Variants in C10orf71 observed in about 807,000 individuals in gnomAD.
C10orf71 encodes cardiac-enriched FHL2-interacting protein.
For synonymous variants in C10orf71, 758 were observed against 726.3 expected (o/e 1.04, Z -0.70); for missense variants, 1,869 against 1,804.5 (o/e 1.04, Z -0.65).
chr10:49,316,744 G>A (rs779603281), intron 2 of C10orf71, among the ~76,000 whole-genome samples: 4 of 152,270 alleles, frequency 2.6e-5, no homozygotes, highest in Middle Eastern at 3.4e-3. Context: ...GCACACTTCC[G>A]TCCTTGTGTA....
rs779176091 is a variant in C10orf71, at chr10:49,325,112, C to T, written c.2567C>T (p.Thr856Met). Residue 856 changes from threonine to methionine, a missense_variant, in exon 3 of 3, where the codon ACG (threonine) becomes ATG (methionine). Physicochemically the swap from Thr to Met is moderately conservative, Grantham distance 81 (BLOSUM62 -1). Coordinates refer to ENST00000374144, the MANE Select transcript of C10orf71 (RefSeq NM_001135196.2). ...SSASNRHMLF[T>M]IKDNTLRATP... The stretch of plus-strand genomic sequence containing the variant: ...GCTTCAAACAGGCACATGCTGTTTA[C>T]GATTAAAGACAACACCCTCAGAGCT... The T allele has an allele frequency of 6.8e-5, 106 of 1,551,912 alleles. No homozygotes were observed. In the African/African-American group the frequency reaches 1.0e-3, roughly 15 times the overall value.
At chr10:49,304,068 C>T (rs1848772281) in intron 1 of C10orf71, among the ~76,000 whole-genome samples, 1 of 152,222 alleles carries the variant, frequency 6.6e-6, no homozygotes, top group Non-Finnish European at 1.5e-5. Flanking sequence ...GCTTCCAGGC[C>T]AGGGAAGATG....
chr10:49,301,395 C>A (rs61848573), intron 1 of C10orf71, among the ~76,000 whole-genome samples: 2 of 152,132 alleles, frequency 1.3e-5, no homozygotes, highest in Non-Finnish European at 2.9e-5. Context: ...AAATCTCAGA[C>A]ACCCCCTCAT....
chr10:49,301,851 T>C (rs781078788), intron 1 of C10orf71, among the ~76,000 whole-genome samples: 2 of 152,226 alleles, frequency 1.3e-5, no homozygotes, highest in Non-Finnish European at 2.9e-5. Flanking sequence ...AGGGACGTTC[T>C]TCTGGGCCAT....
intron 1 of C10orf71, among the ~76,000 whole-genome samples, chr10:49,314,406 CA>C (rs1554858860): frequency 6.6e-6 from 1 of 152,248 alleles, no homozygotes; most frequent in Non-Finnish European, 1.5e-5. Flanking sequence ...GAAGGGAACA[CA>C]CCTTTTCACT....
At chr10:49,317,756 T>G (rs1849023818) in intron 2 of C10orf71, among the ~76,000 whole-genome samples, 1 of 152,118 alleles carries the variant, frequency 6.6e-6, no homozygotes, top group South Asian at 2.1e-4. Context: ...TAGGCCAAGG[T>G]GGGAAGATCA....
intron 1 of C10orf71, among the ~76,000 whole-genome samples, chr10:49,306,427 C>T (rs1213174397): frequency 2.0e-5 from 3 of 152,352 alleles, no homozygotes; most frequent in East Asian, 3.9e-4. Flanking sequence ...CTCCGCTCTT[C>T]GCACTGCTGG....
chr10:49,305,904 T>C (rs896581973), intron 1 of C10orf71, among the ~76,000 whole-genome samples: 1 of 152,250 alleles, frequency 6.6e-6, no homozygotes, highest in Non-Finnish European at 1.5e-5. Context: ...AGAGGTTTTT[T>C]AAATGAACGA....
At position 49,323,517 on chromosome 10, in the gene C10orf71, C is replaced by T. The variant is rs1214959221; in HGVS notation, c.972C>T (p.Pro324=). The T allele has an allele frequency of 1.2e-6, 2 of 1,611,898 alleles. No individual in the cohort carries two copies. Among genetic ancestry groups the T allele is most frequent in the Middle Eastern group, 1.7e-4 (1 of 6,052 alleles). Residue 324 remains proline, a synonymous_variant, in exon 3 of 3, where the codon CCC becomes CCT. Coordinates refer to ENST00000374144, the MANE Select transcript of C10orf71 (RefSeq NM_001135196.2). Reference sequence around the variant, plus strand: ...GTCCTCCTGAGCGCACAGTCTCTCCCTGCCAGGTCCAGGCCAGCTGCAGTC... The same window carrying T: ...GTCCTCCTGAGCGCACAGTCTCTCCTTGCCAGGTCCAGGCCAGCTGCAGTC... ...EPCPPERTVS[P]CQVQASCSQE...
rs138896744 is a variant in C10orf71, at chr10:49,325,164, G to T, written c.2619G>T (p.Leu873=). The T allele has an allele frequency of 3.9e-6, 6 of 1,552,062 alleles. No individual in the cohort carries two copies. The highest frequency in any genetic ancestry group is 5.2e-6 in the Non-Finnish European group (6 of 1,147,076). Residue 873 remains leucine, a synonymous_variant, in exon 3 of 3, where the codon CTG becomes CTT. Coordinates refer to ENST00000374144, the MANE Select transcript of C10orf71 (RefSeq NM_001135196.2). ...CCCCCGTAATTAAACCTATCATGCTGCCTCTCCTGAGGACCATGTCCTTGG... is the reference window on the plus strand; with the variant it reads ...CCCCCGTAATTAAACCTATCATGCTTCCTCTCCTGAGGACCATGTCCTTGG... ...RATPVIKPIM[L]PLLRTMSLED...
chr10:49,322,853 C>A lies in C10orf71; in HGVS notation c.308C>A (p.Pro103His), dbSNP rs1319090512. 6.2e-7 allele frequency: 1 copy of A among 1,613,828 alleles called. No individual in the cohort carries two copies. Among genetic ancestry groups the A allele is most frequent in the African/African-American group, 1.3e-5 (1 of 74,892 alleles). Residue 103 changes from proline to histidine, a missense_variant, in exon 3 of 3, where the codon CCC (proline) becomes CAC (histidine). Pro to His is a moderately conservative substitution (Grantham distance 77, BLOSUM62 -2). Coordinates refer to ENST00000374144, the MANE Select transcript of C10orf71 (RefSeq NM_001135196.2). ...SGWAATFQQL[P>H]KYVQGEEKYP... ...TGGGCGGCCACCTTCCAACAGCTAC[C>A]CAAGTACGTTCAGGGAGAGGAAAAG...
Position 49,327,038 on chromosome 10 carries a change from C to G in C10orf71, c.*185C>G. 1 of 1,570,080 alleles carries G rather than the reference C, an allele frequency of 6.4e-7. No individual in the cohort carries two copies. The highest frequency in any genetic ancestry group is 2.4e-5 in the East Asian group (1 of 42,026). ...GTAGGGATCCCAAGACGACCTCACC[C>G]AAAGGGCTCCCTGGCTCTCCTCTGA... On this transcript the variant is annotated 3_prime_UTR_variant, in exon 3 of 3. Coordinates refer to ENST00000374144, the MANE Select transcript of C10orf71 (RefSeq NM_001135196.2).
chr10:49,299,487 G>C (rs1429114569), intron 1 of C10orf71: 1 of 152,536 alleles, frequency 6.6e-6, no homozygotes, highest in East Asian at 1.9e-4. Flanking sequence ...GCTCCTTAGC[G>C]TGGGCAGGGA....
chr10:49,325,206 TG>T lies in C10orf71; in HGVS notation c.2663del (p.Gly888AlafsTer40). ...TGTCCTTGGAGGACTCCCTCAGCAG[TG>T]GCCACAAAGAGGAGGAATTGCCAAG... ...TMSLEDSLSS[G>X]HKEEELPRPE... On this transcript the variant is annotated frameshift_variant, in exon 3 of 3. Transcript: ENST00000374144. LOFTEE classifies it low-confidence loss of function (END_TRUNC). 2 of 1,551,980 alleles carry T rather than the reference TG, an allele frequency of 1.3e-6. No homozygotes were observed. Among genetic ancestry groups the T allele is most frequent in the Non-Finnish European group, 1.7e-6 (2 of 1,147,060 alleles).
At chr10:49,311,043 A>G (rs776585194) in intron 1 of C10orf71, among the ~76,000 whole-genome samples, 50 of 151,738 alleles carry the variant, frequency 3.3e-4, no homozygotes, top group Non-Finnish European at 5.9e-4. Context: ...CCCTCTGTGC[A>G]GTGTCCCCAG....
chr10:49,323,264 A>G lies in C10orf71; in HGVS notation c.719A>G (p.Asn240Ser). 2.5e-6 allele frequency: 4 copies of G among 1,613,888 alleles called. No individual in the cohort carries two copies. The highest frequency in any genetic ancestry group is 3.4e-6 in the Non-Finnish European group (4 of 1,179,854). ...HGSSSFLPAA[N>S]DTATLCESKF... ...TCCAGCAGCTTCCTCCCAGCAGCCA[A>G]TGACACGGCCACCTTATGTGAGTCA... Residue 240 changes from asparagine to serine, a missense_variant, in exon 3 of 3, where the codon AAT (asparagine) becomes AGT (serine). Coordinates refer to ENST00000374144, the MANE Select transcript of C10orf71 (RefSeq NM_001135196.2).
At position 49,324,105 on chromosome 10, in the gene C10orf71, G is replaced by T. The variant is rs781404544; in HGVS notation, c.1560G>T (p.Leu520Phe). Residue 520 changes from leucine to phenylalanine, a missense_variant, in exon 3 of 3, where the codon TTG becomes TTT. Coordinates refer to ENST00000374144, the MANE Select transcript of C10orf71 (RefSeq NM_001135196.2). ...VKSTYSSSPL[L>F]KVLDEKTRGK... ...GCACATACAGTTCCTCACCTCTCTT[G>T]AAAGTGCTTGATGAGAAAACTAGAG... The T allele has an allele frequency of 6.2e-7, 1 of 1,613,998 alleles. No individual in the cohort carries two copies. Among genetic ancestry groups the T allele is most frequent in the Non-Finnish European group, 8.5e-7 (1 of 1,179,898 alleles).
At chr10:49,298,138 T>G (rs1433865742), upstream of C10orf71, among the ~76,000 whole-genome samples, 1 of 152,188 alleles carries the variant, frequency 6.6e-6, no homozygotes, top group Non-Finnish European at 1.5e-5. Context: ...AGGCCCCAGC[T>G]TGGGGCTGGG....
chr10:49,325,547 TC>T lies in C10orf71; in HGVS notation c.3006del (p.Thr1003ProfsTer9). On this transcript the variant is annotated frameshift_variant, in exon 3 of 3. Transcript: ENST00000374144. LOFTEE classifies it low-confidence loss of function (END_TRUNC). ...DSGKLAAPWH[I>X]PTIALPEGDI... is the part of the protein sequence containing the mutation. ...GGGAAGCTGGCAGCCCCATGGCACA[TC>T]CCCACCATTGCTTTACCCGAGGGTG... The T allele has an allele frequency of 1.3e-6, 2 of 1,550,402 alleles. No individual in the cohort carries two copies. The highest frequency in any genetic ancestry group is 1.7e-6 in the Non-Finnish European group (2 of 1,146,028).
Sources: allele counts gnomAD v4.1 joint callset (sites outside exome capture counted in the v4.1 genomes callset), GRCh38; gene constraint gnomAD v4.1.1; transcripts MANE v1.5; gene names NCBI Gene and HGNC (gene_info 2026-07-23, HGNC 2026-07-21).